Variants in FGF13 observed in about 807,000 individuals in gnomAD.
FGF13 encodes fibroblast growth factor homologous factor 2.
A neutral mutation model predicts 19.5 loss-of-function variants in FGF13; 2 were observed. The ratio of observed to expected loss-of-function variants is 0.10; its 90% CI spans 0.04 to 0.32. FGF13 has a LOEUF of 0.32. Ranked by LOEUF, FGF13 falls within the 10% of genes least tolerant of loss-of-function variation. The probability of loss-of-function intolerance (pLI) is 1.00; values close to 1 mark genes in which losing one functional copy is unlikely to be tolerated. For synonymous variants in FGF13, 72 were observed against 76.9 expected (o/e 0.94, Z 0.33); for missense variants, 113 against 192.7 (o/e 0.59, Z 2.45).
intron 3 of FGF13, among the ~76,000 whole-genome samples, chrX:138,640,434 T>G (rs1031807309): frequency 8.9e-6 from 1 of 112,168 alleles, no homozygotes; most frequent in African/African-American, 3.2e-5. Flanking sequence ...AAATTGTTAT[T>G]CTCTGTTACA....
intron 1 of FGF13, among the ~76,000 whole-genome samples, chrX:138,993,817 T>A (rs1363543784): frequency 9.0e-6 from 1 of 111,546 alleles, no homozygotes; most frequent in Non-Finnish European, 1.9e-5. Context: ...AGTGACACAC[T>A]GTGTTGTCAT....
intron 1 of FGF13, among the ~76,000 whole-genome samples, chrX:139,144,622 AT>A (rs1366077020): frequency 1.8e-5 from 2 of 111,195 alleles, no homozygotes; most frequent in African/African-American, 6.6e-5. Context: ...AGATCCCCTC[AT>A]TCCTCTGCTG....
chrX:138,662,688 C>T (rs1461510962), intron 3 of FGF13, among the ~76,000 whole-genome samples: 3 of 111,822 alleles, frequency 2.7e-5, no homozygotes, highest in Non-Finnish European at 5.6e-5. Context: ...AGGGCCTCTT[C>T]AATTTTCCAT....
intron 1 of FGF13, among the ~76,000 whole-genome samples, chrX:139,063,453 C>T (rs1367376067): frequency 1.8e-5 from 2 of 111,489 alleles, no homozygotes. Flanking sequence ...GAGAGGTTTT[C>T]TTATCAGTCT....
chrX:139,152,888 T>A (rs1030124052), intron 1 of FGF13, among the ~76,000 whole-genome samples: 9 of 110,787 alleles, frequency 8.1e-5, no homozygotes, highest in Non-Finnish European at 1.3e-4. Flanking sequence ...TACTCATGTT[T>A]TGGGATCTCA....
chrX:138,797,031 T>C (rs2090784237), intron 3 of FGF13, among the ~76,000 whole-genome samples: 1 of 112,130 alleles, frequency 8.9e-6, no homozygotes, highest in Non-Finnish European at 1.9e-5. Flanking sequence ...TGATAGTTTA[T>C]TTTGCTGTGC....
chrX:138,747,262 G>C (rs1602780167), intron 3 of FGF13, among the ~76,000 whole-genome samples: 1 of 111,580 alleles, frequency 9.0e-6, no homozygotes, highest in Non-Finnish European at 1.9e-5. Context: ...GAGAGAGCAG[G>C]GTAGGCCTGG....
At chrX:138,959,327 G>A (rs189837548) in intron 1 of FGF13, among the ~76,000 whole-genome samples, 37 of 111,745 alleles carry the variant, frequency 3.3e-4, no homozygotes, top group African/African-American at 1.2e-3. Context: ...GTAGTTGTGC[G>A]GTTTTGAGTG....
At chrX:138,666,498 T>C (rs1035819003) in intron 3 of FGF13, among the ~76,000 whole-genome samples, 1 of 111,038 alleles carries the variant, frequency 9.0e-6, no homozygotes, top group Non-Finnish European at 1.9e-5. Flanking sequence ...GGAAAGAGTA[T>C]TGGTTAGGAG....
At chrX:138,829,292 G>A (rs1028192204) in intron 3 of FGF13, among the ~76,000 whole-genome samples, 2 of 111,633 alleles carry the variant, frequency 1.8e-5, no homozygotes, top group Admixed American at 1.9e-4. Flanking sequence ...GGTATTTGGG[G>A]TATGGAAGTA....
At position 138,669,286 on chromosome X, in the gene FGF13, A is replaced by G. The variant is rs1378146181; in HGVS notation, c.403-33631T>C. On this transcript the variant is annotated intron_variant, in intron 3 of 4. Coordinates refer to ENST00000315930, the MANE Select transcript of FGF13 (RefSeq NM_004114.5). ...CTTTTCTTTTGGGAGATGGTTGTTG[A>G]ACTGAATGGCTTTTAAGGCCCTTCA... 2.7e-5 allele frequency among the ~76,000 whole-genome samples: 3 copies of G among 111,073 alleles called. No individual in the cohort carries two copies. The Admixed American group carries it at 2.9e-4, about 11-fold the overall frequency.
intron 1 of FGF13, 132 bp from the exon 2 acceptor site, chrX:138,709,060 G>A: frequency 7.9e-6 from 3 of 379,138 alleles, no homozygotes; most frequent in Admixed American, 4.8e-5. Context: ...TAAGGTGTCT[G>A]GAAGAAAGAA....
At chrX:138,685,927 T>C (rs1165444188) in intron 3 of FGF13, among the ~76,000 whole-genome samples, 1 of 109,452 alleles carries the variant, frequency 9.1e-6, no homozygotes, top group Non-Finnish European at 1.9e-5. Context: ...ACAGCACTTT[T>C]CTCAATATAC....
At chrX:138,831,725 C>T (rs1223911849) in intron 3 of FGF13, among the ~76,000 whole-genome samples, 2 of 108,272 alleles carry the variant, frequency 1.8e-5, no homozygotes, top group Non-Finnish European at 3.8e-5. Flanking sequence ...AGGTTTTTTA[C>T]GTAGGTAAAT....
chrX:138,927,283 G>A (rs1454295109), intron 1 of FGF13, among the ~76,000 whole-genome samples: 2 of 111,686 alleles, frequency 1.8e-5, no homozygotes, highest in Non-Finnish European at 3.8e-5. Context: ...ACACTTAGTC[G>A]GAGGCCCATC....
intron 1 of FGF13, among the ~76,000 whole-genome samples, chrX:138,883,155 A>G (rs1160514819): frequency 1.8e-5 from 2 of 112,308 alleles, no homozygotes; most frequent in Non-Finnish European, 3.8e-5. Flanking sequence ...GTCAGCACTC[A>G]TTTCACTGCA....
intron 3 of FGF13, among the ~76,000 whole-genome samples, chrX:138,823,478 C>A (rs1465157595): frequency 9.0e-6 from 1 of 110,820 alleles, no homozygotes; most frequent in South Asian, 3.9e-4. Context: ...TTCCTTTTTA[C>A]CCAATAAAAC....
intron 3 of FGF13, among the ~76,000 whole-genome samples, chrX:138,685,691 T>C (rs1027046082): frequency 1.8e-5 from 2 of 111,581 alleles, no homozygotes; most frequent in Admixed American, 9.6e-5. Flanking sequence ...TTTAATATTA[T>C]TACACTGAGC....
At chrX:139,074,298 C>G (rs1347233258) in intron 1 of FGF13, among the ~76,000 whole-genome samples, 1 of 112,347 alleles carries the variant, frequency 8.9e-6, no homozygotes, top group Admixed American at 9.4e-5. Flanking sequence ...ATGTTTCATT[C>G]ATAAATCAAG....
Sources: gnomAD v4.1 joint callset for allele counts (sites outside exome capture counted in the v4.1 genomes callset) on GRCh38, gnomAD v4.1.1 for gene constraint, MANE v1.5 for transcripts, NCBI Gene and HGNC (gene_info 2026-07-23, HGNC 2026-07-21) for gene names.